The following CYSLTR2 variants were observed in gnomAD, a reference collection of about 807,000 sequenced individuals.
CYSLTR2 encodes the protein G-protein coupled receptor GPCR21.
For missense variants in CYSLTR2, 398 were observed against 411.9 expected, an observed-to-expected ratio of 0.97 and a Z score of 0.29; for synonymous variants, 179 against 160.8, an observed-to-expected ratio of 1.11 and a Z score of -0.86.
At chr13:48,699,548 T>C (rs2138977877) in intron 4 of CYSLTR2, among the ~76,000 whole-genome samples, 1 of 152,214 alleles carries the variant, frequency 6.6e-6, no homozygotes, top group Admixed American at 6.5e-5. Context: ...TAGCACTAAA[T>C]GCACACAAGA....
At chr13:48,703,016 T>C (rs1039669258) in intron 4 of CYSLTR2, among the ~76,000 whole-genome samples, 6 of 152,212 alleles carry the variant, frequency 3.9e-5, no homozygotes, top group African/African-American at 1.4e-4. Context: ...TTGTGAGATT[T>C]ACACCTGTCT....
At chr13:48,684,023 A>G (rs1298007549) in intron 1 of CYSLTR2, among the ~76,000 whole-genome samples, 2 of 152,154 alleles carry the variant, frequency 1.3e-5, no homozygotes, top group African/African-American at 2.4e-5. Flanking sequence ...GGCTCAAGCA[A>G]TCCTCTTGCC....
intron 4 of CYSLTR2, among the ~76,000 whole-genome samples, chr13:48,705,624 G>T (rs1462856012): frequency 6.8e-6 from 1 of 147,968 alleles, no homozygotes; most frequent in African/African-American, 2.5e-5. Flanking sequence ...TGTATATAAA[G>T]ATATACATAT....
chr13:48,664,554 G>T (rs1022634337), intron 1 of CYSLTR2, among the ~76,000 whole-genome samples: 2 of 151,910 alleles, frequency 1.3e-5, no homozygotes, highest in African/African-American at 4.8e-5. Context: ...AATCTTGGTA[G>T]GTTGTATGTG....
intron 4 of CYSLTR2, among the ~76,000 whole-genome samples, chr13:48,699,512 TA>T: frequency 6.6e-6 from 1 of 152,194 alleles, no homozygotes; most frequent in African/African-American, 2.4e-5. Context: ...TGGGACAATT[TA>T]AAGCAGTGTG....
At chr13:48,672,955 A>G (rs918372826) in intron 1 of CYSLTR2, among the ~76,000 whole-genome samples, 5 of 151,988 alleles carry the variant, frequency 3.3e-5, no homozygotes, top group Admixed American at 6.6e-5. Context: ...GTAGATTGCA[A>G]TGTGGTCTGA....
At position 48,707,344 on chromosome 13, in the gene CYSLTR2, GT is replaced by G. The variant is rs1954525788; in HGVS notation, c.528del (p.Ser176ArgfsTer13). 1.2e-6 allele frequency: 2 copies of G among 1,613,994 alleles called. No individual in the cohort carries two copies. Among genetic ancestry groups the G allele is most frequent in the East Asian group, 4.5e-5 (2 of 44,892 alleles). On this transcript the variant is annotated frameshift_variant, in exon 5 of 5. Coordinates refer to ENST00000682523, the MANE Select transcript of CYSLTR2 (RefSeq NM_001308476.3). LOFTEE classifies it low-confidence loss of function (END_TRUNC). ...IMASSIMLLD[S>X]GSEQNGSVTS... The stretch of plus-strand genomic sequence containing the variant: ...GCTTCCTCAATAATGCTCCTGGACA[GT>G]GGCTCTGAGCAGAACGGCAGTGTCA...
At chr13:48,705,950 T>C (rs1487125938) in intron 4 of CYSLTR2, among the ~76,000 whole-genome samples, 1 of 151,382 alleles carries the variant, frequency 6.6e-6, no homozygotes, top group Non-Finnish European at 1.5e-5. Context: ...TTTAGAGAAC[T>C]TCCTTTAGTC....
chr13:48,694,573 C>A (rs1954118674), intron 3 of CYSLTR2: 1 of 152,192 alleles, frequency 6.6e-6, no homozygotes, highest in South Asian at 2.1e-4. Flanking sequence ...TGAACAGGGT[C>A]CCACATGTAT....
rs1201153968 is a variant in CYSLTR2, at chr13:48,653,975, G to C, written c.-308G>C. On this transcript the variant is annotated 5_prime_UTR_variant, in exon 1 of 5. Coordinates refer to ENST00000682523, the MANE Select transcript of CYSLTR2 (RefSeq NM_001308476.3). ...TCGGAGGAGAAAGGCAGGAGAGATAGAGGCAGCAGAAGCCAGGGCAGCTGA... is the reference window on the plus strand; with the variant it reads ...TCGGAGGAGAAAGGCAGGAGAGATACAGGCAGCAGAAGCCAGGGCAGCTGA... The C allele has an allele frequency of 6.6e-6, 1 of 152,202 alleles. No homozygotes were observed. The highest frequency in any genetic ancestry group is 1.9e-4 in the East Asian group (1 of 5,192). 9.4% of individuals were successfully genotyped at this position (152,202 alleles called of 1,614,324 possible).
intron 4 of CYSLTR2, among the ~76,000 whole-genome samples, chr13:48,697,640 C>T (rs1047614269): frequency 1.8e-4 from 28 of 152,290 alleles, no homozygotes; most frequent in Admixed American, 4.6e-4. Context: ...TTGCCAGCAA[C>T]GGAACAAAGC....
intron 1 of CYSLTR2, among the ~76,000 whole-genome samples, chr13:48,683,747 T>C (rs1420376249): frequency 2.0e-5 from 3 of 152,210 alleles, no homozygotes; most frequent in Non-Finnish European, 4.4e-5. Context: ...TTACATCCTA[T>C]TTATCAATTT....
intron 1 of CYSLTR2, among the ~76,000 whole-genome samples, chr13:48,659,705 A>T (rs1953082706): frequency 6.6e-6 from 1 of 152,206 alleles, no homozygotes; most frequent in East Asian, 1.9e-4. Context: ...TGTTTCTATG[A>T]TAACACTTGC....
chr13:48,700,382 C>T (rs1225993512), intron 4 of CYSLTR2, among the ~76,000 whole-genome samples: 4 of 151,850 alleles, frequency 2.6e-5, no homozygotes, highest in Admixed American at 6.6e-5. Flanking sequence ...AATCAATAAA[C>T]GTAATCCATC....
intron 1 of CYSLTR2, among the ~76,000 whole-genome samples, chr13:48,684,688 A>G (rs1196346349): frequency 6.6e-6 from 1 of 152,114 alleles, no homozygotes; most frequent in Non-Finnish European, 1.5e-5. Flanking sequence ...ATGTACCCCC[A>G]AACAATATGT....
At position 48,677,269 on chromosome 13, in the gene CYSLTR2, G is replaced by A. The variant is rs115711057; in HGVS notation, c.-265-13943G>A. Among the ~76,000 whole-genome samples, 490 of 152,278 alleles carry A rather than the reference G, an allele frequency of 3.2e-3. 4 individuals are homozygous for A. The highest frequency in any genetic ancestry group is 0.011 in the African/African-American group (475 of 41,548). ...TCTTAGTCATGTAAAATTCTAAGGAGGGTCTCCTCTGAGGTGGAGGGCATG... is the reference window on the plus strand; with the variant it reads ...TCTTAGTCATGTAAAATTCTAAGGAAGGTCTCCTCTGAGGTGGAGGGCATG... On this transcript the variant is annotated intron_variant, in intron 1 of 4. Transcript: ENST00000682523.
At chr13:48,654,543 T>C (rs746999593) in intron 1 of CYSLTR2, among the ~76,000 whole-genome samples, 1 of 152,180 alleles carries the variant, frequency 6.6e-6, no homozygotes, top group Non-Finnish European at 1.5e-5. Flanking sequence ...CCTTCTATTA[T>C]ATAAGATATA....
chr13:48,666,484 T>C (rs78634720), intron 1 of CYSLTR2, among the ~76,000 whole-genome samples: 5,751 of 152,204 alleles, frequency 0.038, 375 homozygotes, highest in African/African-American at 0.13. Flanking sequence ...TTTTATTAAA[T>C]ATATTTTCCT....
intron 4 of CYSLTR2, among the ~76,000 whole-genome samples, chr13:48,699,817 TA>T (rs1954293042): frequency 6.6e-6 from 1 of 151,722 alleles, no homozygotes; most frequent in Non-Finnish European, 1.5e-5. Context: ...ATAGATGCAA[TA>T]AAAAATAATA....
Sources: allele counts gnomAD v4.1 joint callset (sites outside exome capture counted in the v4.1 genomes callset), GRCh38; gene constraint gnomAD v4.1.1; transcripts MANE v1.5; gene names NCBI Gene and HGNC (gene_info 2026-07-23, HGNC 2026-07-21).